EPHA4: variants seen among roughly 807,000 people sequenced by gnomAD.
EPHA4 encodes the protein EPH receptor A4.
In EPHA4, 19 loss-of-function variants were observed where a neutral mutation model predicts 108.3. The ratio of observed to expected loss-of-function variants is 0.18; its 90% CI spans 0.12 to 0.26. The LOEUF is 0.26. Among genes scored for constraint, EPHA4 ranks in the 10% least tolerant of loss-of-function variants. The probability of loss-of-function intolerance (pLI) is 1.00; values close to 1 mark genes in which losing one functional copy is unlikely to be tolerated. For synonymous variants in EPHA4, 449 were observed against 455.5 expected (o/e 0.99, Z 0.18); for missense variants, 917 against 1,254.0 (o/e 0.73, Z 4.06).
chr2:221,481,462 C>T (rs1464526997), intron 5 of EPHA4, among the ~76,000 whole-genome samples: 1 of 151,780 alleles, frequency 6.6e-6, no homozygotes, highest in East Asian at 1.9e-4. Flanking sequence ...CCAGCCTGGT[C>T]AATATGGTGA....
chr2:221,526,243 T>C (rs952680791), intron 3 of EPHA4, among the ~76,000 whole-genome samples: 2 of 149,042 alleles, frequency 1.3e-5, no homozygotes, highest in South Asian at 4.3e-4. Flanking sequence ...GCACTTTATA[T>C]ACATAATCAT....
intron 3 of EPHA4, among the ~76,000 whole-genome samples, chr2:221,550,973 A>T (rs1208652520): frequency 6.6e-6 from 1 of 152,102 alleles, no homozygotes; most frequent in Non-Finnish European, 1.5e-5. Context: ...GTTTAAAATT[A>T]ATATGATATT....
intron 4 of EPHA4, among the ~76,000 whole-genome samples, chr2:221,487,219 C>A (rs141327829): frequency 3.3e-5 from 5 of 152,104 alleles, no homozygotes; most frequent in South Asian, 2.1e-4. Flanking sequence ...ATTTTGATAA[C>A]TTCCTGATAG....
At chr2:221,486,021 TTG>T in intron 4 of EPHA4, among the ~76,000 whole-genome samples, 1 of 152,220 alleles carries the variant, frequency 6.6e-6, no homozygotes, top group South Asian at 2.1e-4. Flanking sequence ...TATGTAAGTA[TTG>T]TGTCTGGCTA....
chr2:221,454,252 C>T (rs1317372203), intron 8 of EPHA4, among the ~76,000 whole-genome samples: 3 of 151,788 alleles, frequency 2.0e-5, no homozygotes, highest in Admixed American at 2.0e-4. Context: ...ATTATATGGT[C>T]ACCACTCTAA....
intron 5 of EPHA4, among the ~76,000 whole-genome samples, chr2:221,474,583 C>A (rs1032527324): frequency 6.6e-6 from 1 of 152,126 alleles, no homozygotes; most frequent in African/African-American, 2.4e-5. Context: ...CTATAATTAC[C>A]AGGCACAGAA....
chr2:221,560,781 C>T (rs969051442), intron 3 of EPHA4, among the ~76,000 whole-genome samples: 1 of 152,206 alleles, frequency 6.6e-6, no homozygotes, highest in Non-Finnish European at 1.5e-5. Flanking sequence ...GCTTAAGAAA[C>T]ATGCTCAAGG....
At chr2:221,566,455 C>A (rs2106211018) in intron 2 of EPHA4, among the ~76,000 whole-genome samples, 2 of 152,170 alleles carry the variant, frequency 1.3e-5, no homozygotes, top group East Asian at 3.9e-4. Context: ...TTGCTCTAAT[C>A]CTGAAAAAGT....
chr2:221,565,291 C>G (rs180748625), intron 2 of EPHA4, among the ~76,000 whole-genome samples: 9 of 152,262 alleles, frequency 5.9e-5, no homozygotes, highest in Admixed American at 5.9e-4. Context: ...GGACAACTTG[C>G]GTCTACCACT....
Position 221,444,744 on chromosome 2 carries a change from C to CTTTT in EPHA4, c.1775-1142_1775-1139dup, listed in dbSNP as rs71266317. Among the ~76,000 whole-genome samples the CTTTT allele has an allele frequency of 4.8e-4, 36 of 74,982 alleles. 3 individuals are homozygous for CTTTT. The highest frequency in any genetic ancestry group is 5.3e-4 in the Non-Finnish European group (22 of 41,512). The allele number at this position is 74,982 out of a possible 152,430, so 49.2% of individuals were successfully genotyped here. ...TCCCAGTCCCTCTCTTTTTTTCTAT[C>CTTTT]TTTTTTTTTTTTTTTTTTTTTTTTT... is the stretch of plus-strand genomic sequence containing the variant. On this transcript the variant is annotated intron_variant, in intron 9 of 17. Coordinates refer to ENST00000281821, the MANE Select transcript of EPHA4 (RefSeq NM_004438.5).
At chr2:221,478,066 A>G (rs1027073884) in intron 5 of EPHA4, among the ~76,000 whole-genome samples, 3 of 152,044 alleles carry the variant, frequency 2.0e-5, no homozygotes, top group Non-Finnish European at 2.9e-5. Context: ...AGGAGGGAAC[A>G]CCATTCATGG....
intron 5 of EPHA4, among the ~76,000 whole-genome samples, chr2:221,478,362 T>C (rs771436426): frequency 5.9e-5 from 9 of 152,158 alleles, no homozygotes; most frequent in Non-Finnish European, 1.2e-4. Context: ...AGGAAAGCCA[T>C]CCAGAAAACA....
At position 221,433,441 on chromosome 2, in the gene EPHA4, C is replaced by T. The variant is rs187078817; in HGVS notation, c.2496+701G>A. ...CCAATCTTACCAGAACTAATGTAAA[C>T]TTTTCCAGAATTAGCTAAAACGTGT... On this transcript the variant is annotated intron_variant, in intron 14 of 17. Transcript: ENST00000281821. Among the ~76,000 whole-genome samples, 186 of 152,288 alleles carry T rather than the reference C, an allele frequency of 1.2e-3. 2 individuals carry two copies. The highest frequency in any genetic ancestry group is 4.1e-3 in the African/African-American group (169 of 41,564).
intron 3 of EPHA4, among the ~76,000 whole-genome samples, chr2:221,511,831 T>A (rs1692842213): frequency 6.6e-6 from 1 of 152,180 alleles, no homozygotes; most frequent in Admixed American, 6.5e-5. Context: ...TCCTTAAAGA[T>A]CCCTTATTCT....
intron 3 of EPHA4, among the ~76,000 whole-genome samples, chr2:221,517,183 T>C (rs1262808896): frequency 6.6e-6 from 1 of 152,098 alleles, no homozygotes; most frequent in African/African-American, 2.4e-5. Flanking sequence ...AGGTGGTTCA[T>C]AGGGGATCTC....
At chr2:221,437,510 G>A (rs948410134) in intron 11 of EPHA4, 7 of 162,382 alleles carry the variant, frequency 4.3e-5, no homozygotes, top group Admixed American at 1.2e-4. Flanking sequence ...AGAGCCACTT[G>A]TAAGAAGCTA....
chr2:221,433,462 C>T (rs1010401322), intron 14 of EPHA4, among the ~76,000 whole-genome samples: 4 of 152,112 alleles, frequency 2.6e-5, no homozygotes, highest in Non-Finnish European at 5.9e-5. Flanking sequence ...TTAGCTAAAA[C>T]GTGTTCTAGG....
chr2:221,442,870 T>C lies in EPHA4; in HGVS notation c.2033A>G (p.Asp678Gly), dbSNP rs777537789. The change falls in exon 11 of 18, where the codon GAC becomes GGC. Residue 678 changes from aspartate to glycine, a missense_variant. Around this residue, in one of 3 missense-constraint regions of EPHA4, gnomAD observed 758 missense variants for 1,076.7 expected, o/e 0.70. Coordinates refer to ENST00000281821, the MANE Select transcript of EPHA4 (RefSeq NM_004438.5). ...TTCCAAGTGAATGATGTTCGGATGGTCAAACTGTCCCATGATGCTGGCCTC... is the reference window on the plus strand; with the variant it reads ...TTCCAAGTGAATGATGTTCGGATGGCCAAACTGTCCCATGATGCTGGCCTC... Reference protein sequence around the residue: ...LSEASIMGQFDHPNIIHLEGV... With the variant: ...LSEASIMGQFGHPNIIHLEGV... 6.2e-7 allele frequency: 1 copy of C among 1,614,152 alleles called. No individual in the cohort carries two copies. The highest frequency in any genetic ancestry group is 1.1e-5 in the South Asian group (1 of 91,074).
chr2:221,510,952 T>C (rs925281855), intron 3 of EPHA4, among the ~76,000 whole-genome samples: 1 of 152,180 alleles, frequency 6.6e-6, no homozygotes, highest in Admixed American at 6.5e-5. Flanking sequence ...CTCTGCTTCA[T>C]ATATGTATAA....
Sources: allele counts gnomAD v4.1 joint callset (sites outside exome capture counted in the v4.1 genomes callset), GRCh38; gene constraint gnomAD v4.1.1; regional missense constraint gnomAD v4.1.1; transcripts MANE v1.5; gene names NCBI Gene and HGNC (gene_info 2026-07-23, HGNC 2026-07-21).